The following PLEKHA1 variants were observed in gnomAD, a reference collection of about 807,000 sequenced individuals.
PLEKHA1 encodes pleckstrin homology domain containing A1.
A neutral mutation model predicts 52.0 loss-of-function variants in PLEKHA1; 34 were observed. That is an observed-to-expected ratio of 0.65 (90% CI 0.50 to 0.87). The LOEUF (loss-of-function observed/expected upper bound fraction) is 0.87. PLEKHA1 is among the 40% of genes least tolerant of loss of function. The pLI is 0.00. For synonymous variants in PLEKHA1, 163 were observed against 170.7 expected, an observed-to-expected ratio of 0.95 and a Z score of 0.35; for missense variants, 497 against 504.2, an observed-to-expected ratio of 0.99 and a Z score of 0.14.
At chr10:122,385,280 A>G (rs560925345) in intron 1 of PLEKHA1, among the ~76,000 whole-genome samples, 1 of 138,270 alleles carries the variant, frequency 7.2e-6, no homozygotes, top group South Asian at 2.4e-4. Flanking sequence ...AAGCAGAATT[A>G]TTATCAAAGG....
chr10:122,441,801 CTG>C, the PLEKHA1 span: 1 of 152,184 alleles, frequency 6.6e-6, no homozygotes, highest in Non-Finnish European at 1.5e-5. Flanking sequence ...CAACTAAACT[CTG>C]AGCTTTCTGG....
At position 122,412,923 on chromosome 10, in the gene PLEKHA1, C is replaced by T; in HGVS notation, c.346C>T (p.Pro116Ser). The change falls in exon 6 of 12, where the codon CCA becomes TCA. Residue 116 changes from proline to serine, a missense_variant. By Grantham distance (74) the Pro-to-Ser change is moderately conservative (BLOSUM62 -1). Coordinates refer to ENST00000368990, the MANE Select transcript of PLEKHA1 (RefSeq NM_001001974.4). ...TTCATTTTATTTACTATTTCAGGTACCAAAGCAGTCAGACTCACAGCCTAA... is the reference window on the plus strand; with the variant it reads ...TTCATTTTATTTACTATTTCAGGTATCAAAGCAGTCAGACTCACAGCCTAA... ...VLNKAIKITV[P>S]KQSDSQPNSD... 2.5e-6 allele frequency: 4 copies of T among 1,612,814 alleles called. No homozygotes were observed. The highest frequency in any genetic ancestry group is 3.4e-6 in the Non-Finnish European group (4 of 1,179,296).
Position 122,426,934 on chromosome 10 carries a change from T to C in PLEKHA1, c.811-8T>C, listed in dbSNP as rs1323428138. The C allele has an allele frequency of 3.1e-6, 5 of 1,609,694 alleles. No individual in the cohort carries two copies. In the Admixed American group the frequency reaches 5.0e-5, roughly 16 times the overall value. On this transcript the variant is annotated splice_region_variant and splice_polypyrimidine_tract_variant and intron_variant, in intron 10 of 11. Coordinates refer to ENST00000368990, the MANE Select transcript of PLEKHA1 (RefSeq NM_001001974.4). ...AAAATTGTTTGAATGAGTTCTTTTT[T>C]CCTTTAGGCTGATAGCCCTGAAGAG...
Position 122,430,082 on chromosome 10 carries a change from C to T in PLEKHA1, c.*144C>T. 2 of 933,460 alleles carry T rather than the reference C, an allele frequency of 2.1e-6. No homozygotes were observed. Among genetic ancestry groups the T allele is most frequent in the Non-Finnish European group, 3.0e-6 (2 of 663,408 alleles). The allele number at this position is 933,460 out of a possible 1,614,324, so 57.8% of individuals were successfully genotyped here. ...GGTGTACTCTTTATAAGCTGGTAAA[C>T]CAAGAATCTAGGGAGTGGCCAAACT... On this transcript the variant is annotated 3_prime_UTR_variant, in exon 12 of 12. Transcript: ENST00000368990.
intron 4 of PLEKHA1, among the ~76,000 whole-genome samples, chr10:122,405,564 G>T (rs1294663033): frequency 2.6e-5 from 4 of 151,216 alleles, no homozygotes; most frequent in Non-Finnish European, 5.9e-5. Flanking sequence ...TTGTTAAAGA[G>T]TATTAGCCAG....
chr10:122,428,756 A>G (rs2097377086), intron 11 of PLEKHA1, among the ~76,000 whole-genome samples: 1 of 152,174 alleles, frequency 6.6e-6, no homozygotes, highest in Non-Finnish European at 1.5e-5. Context: ...AAATCTCTGA[A>G]ATTTAGCCAT....
intron 1 of PLEKHA1, among the ~76,000 whole-genome samples, chr10:122,381,627 G>A (rs980248466): frequency 2.0e-5 from 3 of 152,196 alleles, no homozygotes; most frequent in Admixed American, 6.5e-5. Flanking sequence ...CTGTGGAACT[G>A]TGAGCTAATT....
chr10:122,410,022 A>G (rs887203209), intron 5 of PLEKHA1, among the ~76,000 whole-genome samples: 1 of 152,048 alleles, frequency 6.6e-6, no homozygotes, highest in African/African-American at 2.4e-5. Context: ...GCCTCAAGTG[A>G]TCCGCCCAGC....
intron 2 of PLEKHA1, among the ~76,000 whole-genome samples, chr10:122,394,069 CTTTTT>C (rs796831792): frequency 4.2e-4 from 41 of 97,244 alleles, no homozygotes; most frequent in South Asian, 3.6e-3. Context: ...ACTTTCTCTA[CTTTTT>C]TTTTTTTTTT....
At chr10:122,377,341 T>TA (rs1278731517) in intron 1 of PLEKHA1, among the ~76,000 whole-genome samples, 1 of 152,198 alleles carries the variant, frequency 6.6e-6, no homozygotes, top group African/African-American at 2.4e-5. Context: ...TGCAAATAAT[T>TA]ACTTTTCTCA....
chr10:122,441,209 CCTATAATCGCAGCA>C, the PLEKHA1 span: 1 of 152,186 alleles, frequency 6.6e-6, no homozygotes, highest in African/African-American at 2.4e-5. Context: ...GTTGCTCACA[CCTATAATCGCAGCA>C]CTTTGGGAAG....
Position 122,417,945 on chromosome 10 carries a change from A to G in PLEKHA1, c.658A>G (p.Ile220Val). Residue 220 changes from isoleucine (I) to valine (V), a missense_variant, in exon 8 of 12, where the codon ATA becomes GTA. Physicochemically the swap from Ile to Val is conservative, Grantham distance 29. Coordinates refer to ENST00000368990, the MANE Select transcript of PLEKHA1 (RefSeq NM_001001974.4). ...RRYFQLDENTIGYFKSELEKE... is the reference protein window; with the variant it reads ...RRYFQLDENTVGYFKSELEKE... ...ATATTTTCAATTGGATGAAAACACAATAGGCTACTTCAAATCTGAACTGGT... is the reference window on the plus strand; with the variant it reads ...ATATTTTCAATTGGATGAAAACACAGTAGGCTACTTCAAATCTGAACTGGT... 1.2e-6 allele frequency: 2 copies of G among 1,611,898 alleles called. No homozygotes were observed. The highest frequency in any genetic ancestry group is 1.7e-4 in the Middle Eastern group (1 of 6,052).
chr10:122,397,510 TAAAG>T (rs1351743487), intron 2 of PLEKHA1, among the ~76,000 whole-genome samples: 1 of 152,124 alleles, frequency 6.6e-6, no homozygotes, highest in South Asian at 2.1e-4. Context: ...AGATACTTGA[TAAAG>T]AAATTTTAAT....
At chr10:122,404,505 T>C (rs540438792) in intron 4 of PLEKHA1, among the ~76,000 whole-genome samples, 1 of 152,306 alleles carries the variant, frequency 6.6e-6, no homozygotes, top group South Asian at 2.1e-4. Flanking sequence ...AAAATAACAT[T>C]GAGGGGAAGA....
At chr10:122,376,501 GATATATATATATATATAT>G (rs56781870) in intron 1 of PLEKHA1, among the ~76,000 whole-genome samples, 1,859 of 146,788 alleles carry the variant, frequency 0.013, 30 homozygotes, top group African/African-American at 0.04. Flanking sequence ...ACATTAAGAA[GATATATATATATATATAT>G]ATATATATAT....
At chr10:122,405,633 C>G (rs2096999124) in intron 4 of PLEKHA1, among the ~76,000 whole-genome samples, 1 of 150,848 alleles carries the variant, frequency 6.6e-6, no homozygotes, top group South Asian at 2.1e-4. Context: ...ATTGGTTACC[C>G]AAATATTGGA....
chr10:122,385,441 C>T (rs1240081937), intron 1 of PLEKHA1, among the ~76,000 whole-genome samples: 1 of 151,490 alleles, frequency 6.6e-6, no homozygotes, highest in Non-Finnish European at 1.5e-5. Context: ...CCTCAGCCTC[C>T]TGAGTAGCTG....
At chr10:122,379,567 T>C (rs1444967927) in intron 1 of PLEKHA1, among the ~76,000 whole-genome samples, 1 of 152,312 alleles carries the variant, frequency 6.6e-6, no homozygotes, top group Middle Eastern at 3.4e-3. Context: ...AAGACCTCCT[T>C]CTTTTCCCTG....
chr10:122,424,174 T>TG (rs34483104), intron 8 of PLEKHA1, 25 bp from the exon 9 acceptor site: 369 of 1,011,358 alleles, frequency 3.6e-4, no homozygotes, highest in Non-Finnish European at 4.4e-4. Flanking sequence ...TGTAACTGTT[T>TG]TTTTTTTTTT....
Sources: gnomAD v4.1 joint callset for allele counts (sites outside exome capture counted in the v4.1 genomes callset) on GRCh38, gnomAD v4.1.1 for gene constraint, MANE v1.5 for transcripts, NCBI Gene and HGNC (gene_info 2026-07-23, HGNC 2026-07-21) for gene names.